Variants in PCBP3 observed in about 807,000 individuals in gnomAD.
The protein encoded by PCBP3 is poly(rC)-binding protein 3.
In PCBP3, 25 loss-of-function variants were observed where a neutral mutation model predicts 52.7. The observed-to-expected ratio is 0.47, with a 90% CI of 0.35 to 0.66. PCBP3 has a LOEUF of 0.66. PCBP3 is among the 30% of genes least tolerant of loss of function. The pLI, the probability that PCBP3 is intolerant of heterozygous loss-of-function variation, is 0.01. For synonymous variants in PCBP3, 162 were observed against 183.0 expected (o/e 0.89, Z 0.93); for missense variants, 391 against 490.3 (o/e 0.80, Z 1.91).
At chr21:45,839,950 G>A (rs1266271381) in intron 4 of PCBP3, among the ~76,000 whole-genome samples, 1 of 151,898 alleles carries the variant, frequency 6.6e-6, no homozygotes, top group African/African-American at 2.4e-5. Context: ...GCCTCCCAAA[G>A]TGCTGGGATT....
Position 45,917,808 on chromosome 21 carries a change from T to C in PCBP3, c.717+179T>C, listed in dbSNP as rs2073750324. 6.1e-6 allele frequency: 4 copies of C among 654,152 alleles called. No homozygotes were observed. The highest frequency in any genetic ancestry group is 2.1e-5 in the Admixed American group (1 of 47,888). The allele number at this position is 654,152 out of a possible 1,614,324, so 40.5% of individuals were successfully genotyped here. On this transcript the variant is annotated intron_variant, in intron 13 of 17. Coordinates refer to ENST00000681687, the MANE Select transcript of PCBP3 (RefSeq NM_001384156.1). This position sits in a 1 kb window ranked among gnomAD's most constrained non-coding sequence, Gnocchi z 5.3. ...GAATAACCTTTTAACCTCTTAGCAC[T>C]AATTCTGCTTGTGTTGAGGACTTGG... is the stretch of plus-strand genomic sequence containing the variant.
chr21:45,726,072 A>C (rs1421554611), intron 2 of PCBP3, among the ~76,000 whole-genome samples: 1 of 152,000 alleles, frequency 6.6e-6, no homozygotes, highest in Non-Finnish European at 1.5e-5. Context: ...CAGTGTGGTT[A>C]GGCCTGCTGA....
At chr21:45,890,904 T>G (rs1185811855) in intron 5 of PCBP3, among the ~76,000 whole-genome samples, 3 of 146,336 alleles carry the variant, frequency 2.1e-5, no homozygotes, top group Middle Eastern at 3.5e-3. Flanking sequence ...CTGAGGGGAA[T>G]GTAGATAATA....
At chr21:45,784,912 C>G (rs1032040704) in intron 4 of PCBP3, among the ~76,000 whole-genome samples, 1 of 152,160 alleles carries the variant, frequency 6.6e-6, no homozygotes, top group African/African-American at 2.4e-5. Context: ...GTGTCTCTGC[C>G]TGGCCGCCCA....
At position 45,941,044 on chromosome 21, in the gene PCBP3, G is replaced by A. The variant is rs552010551; in HGVS notation, c.1080-626G>A. Among the ~76,000 whole-genome samples the A allele has an allele frequency of 3.3e-5, 5 of 152,324 alleles. No homozygotes were observed. The South Asian group carries it at 8.3e-4, about 25-fold the overall frequency. On this transcript the variant is annotated intron_variant, in intron 17 of 17. Coordinates refer to ENST00000681687, the MANE Select transcript of PCBP3 (RefSeq NM_001384156.1). ...CTCTTACCTGCACGCCCAGTGAGTG[G>A]GTGAGAGGCTGCCTGGAGAGGACGA... is the stretch of plus-strand genomic sequence containing the variant.
At position 45,827,276 on chromosome 21, in the gene PCBP3, C is replaced by T. The variant is rs1029325315; in HGVS notation, c.-125-22685C>T. ...GCGGCAATGAGGCAGCACACCTCTG[C>T]CCCCGCTGCGATGGTGTCGGAGGAG... On this transcript the variant is annotated intron_variant, in intron 4 of 17. Coordinates refer to ENST00000681687, the MANE Select transcript of PCBP3 (RefSeq NM_001384156.1). This position sits in a 1 kb window ranked among gnomAD's most constrained non-coding sequence, Gnocchi z 4.3. Among the ~76,000 whole-genome samples the T allele has an allele frequency of 2.5e-4, 38 of 152,282 alleles. No individual in the cohort carries two copies. The highest frequency in any genetic ancestry group is 9.1e-4 in the African/African-American group (38 of 41,560).
At chr21:45,751,836 A>G (rs1208867416) in intron 3 of PCBP3, among the ~76,000 whole-genome samples, 2 of 152,170 alleles carry the variant, frequency 1.3e-5, no homozygotes, top group East Asian at 3.8e-4. Context: ...GTGATGCCTG[A>G]ACAGCGTAGC....
chr21:45,761,124 A>G (rs1192565372), intron 4 of PCBP3: 1 of 151,006 alleles, frequency 6.6e-6, no homozygotes, highest in Non-Finnish European at 1.5e-5. Context: ...TCAGAACTCC[A>G]CTGTCTTTTA....
chr21:45,690,416 C>T (rs2082390523), intron 2 of PCBP3, among the ~76,000 whole-genome samples: 1 of 152,020 alleles, frequency 6.6e-6, no homozygotes, highest in Admixed American at 6.6e-5. Flanking sequence ...TTCTTAGATA[C>T]ATCAACAAAT....
intron 2 of PCBP3, among the ~76,000 whole-genome samples, chr21:45,688,614 A>G (rs549929134): frequency 4.6e-5 from 7 of 152,260 alleles, no homozygotes; most frequent in African/African-American, 1.7e-4. Flanking sequence ...GAAGAAAATA[A>G]TAAAGTTAAG....
intron 16 of PCBP3, among the ~76,000 whole-genome samples, chr21:45,939,158 C>T (rs1343386228): frequency 6.6e-6 from 1 of 152,256 alleles, no homozygotes; most frequent in African/African-American, 2.4e-5. Flanking sequence ...GGGCACCCTC[C>T]AGTCTGGGGC....
intron 4 of PCBP3, among the ~76,000 whole-genome samples, chr21:45,794,236 A>G (rs2091796595): frequency 6.6e-6 from 1 of 152,220 alleles, no homozygotes; most frequent in African/African-American, 2.4e-5. Flanking sequence ...ATGATTTACA[A>G]GGAACCCTGG....
intron 1 of PCBP3, among the ~76,000 whole-genome samples, chr21:45,664,307 A>G (rs1378542539): frequency 7.0e-6 from 1 of 142,278 alleles, no homozygotes; most frequent in African/African-American, 2.6e-5. Flanking sequence ...AATATTTTTA[A>G]TGTGATGAAA....
In PCBP3 at chr21:45,930,780, C is replaced by G. The variant is rs1252448474; in HGVS notation, c.797-6C>G. 3.3e-6 allele frequency: 4 copies of G among 1,229,816 alleles called. No individual in the cohort carries two copies. Among genetic ancestry groups the G allele is most frequent in the African/African-American group, 3.0e-5 (2 of 67,754 alleles). 76.2% of individuals were successfully genotyped at this position (1,229,816 alleles called of 1,614,324 possible). On this transcript the variant is annotated splice_region_variant and splice_polypyrimidine_tract_variant and intron_variant, in intron 14 of 17. Coordinates refer to ENST00000681687, the MANE Select transcript of PCBP3 (RefSeq NM_001384156.1). The stretch of plus-strand genomic sequence containing the variant: ...ACATTAAACCTGTCTCTTCTTTGCT[C>G]TCCAGGAGAAAAGCTGCCTTTACAC...
intron 2 of PCBP3, among the ~76,000 whole-genome samples, chr21:45,723,620 A>G (rs1207679018): frequency 1.3e-5 from 2 of 152,242 alleles, no homozygotes; most frequent in Admixed American, 6.5e-5. Flanking sequence ...AGTATGATCT[A>G]TCTTAGATAT....
At chr21:45,819,250 AT>A (rs1321690767) in intron 4 of PCBP3, among the ~76,000 whole-genome samples, 2 of 152,258 alleles carry the variant, frequency 1.3e-5, no homozygotes, top group African/African-American at 4.8e-5. Flanking sequence ...GGATGGGGGT[AT>A]ATAGGAAATC....
At chr21:45,939,073 G>A (rs9983756) in intron 16 of PCBP3, among the ~76,000 whole-genome samples, 8,975 of 152,276 alleles carry the variant, frequency 0.059, 647 homozygotes, top group African/African-American at 0.16. Context: ...GCAGCCTCAC[G>A]GGAGGTGGGA....
At chr21:45,927,160 T>C (rs1016922157) in intron 13 of PCBP3, among the ~76,000 whole-genome samples, 4 of 151,008 alleles carry the variant, frequency 2.6e-5, no homozygotes, top group African/African-American at 9.7e-5. Flanking sequence ...TCTTAAATGC[T>C]TGTAATTTTA....
intron 5 of PCBP3, among the ~76,000 whole-genome samples, chr21:45,881,105 T>C (rs1444544360): frequency 2.0e-5 from 3 of 152,194 alleles, no homozygotes; most frequent in Non-Finnish European, 4.4e-5. Flanking sequence ...CCTGTTTTTT[T>C]CTGAGCATTT....
Sources: gnomAD v4.1 joint callset for allele counts (sites outside exome capture counted in the v4.1 genomes callset) on GRCh38, gnomAD v4.1.1 for gene constraint, Gnocchi (gnomAD v3.1) non-coding constraint, MANE v1.5 for transcripts, NCBI Gene and HGNC (gene_info 2026-07-23, HGNC 2026-07-21) for gene names.